The following ZER1 variants were observed in gnomAD, a reference collection of about 807,000 sequenced individuals.
The protein encoded by ZER1 is zyg-11 related cell cycle regulator, also known as protein zer-1 homolog.
Under a neutral mutation model 78.8 loss-of-function variants are expected in ZER1, and 11 were observed. The observed-to-expected ratio is 0.14, with a 90% CI of 0.09 to 0.23. ZER1 has a LOEUF of 0.23. ZER1 is among the 10% of genes least tolerant of loss of function. The probability of loss-of-function intolerance (pLI) is 1.00; values close to 1 mark genes in which losing one functional copy is unlikely to be tolerated. For missense variants in ZER1, 588 were observed against 996.9 expected (o/e 0.59, Z 5.52); for synonymous variants, 400 against 407.0 (o/e 0.98, Z 0.21).
chr9:128,753,376 G>T lies in ZER1; in HGVS notation c.534C>A (p.Arg178=). 6.2e-7 allele frequency: 1 copy of T among 1,614,036 alleles called. No homozygotes were observed. The highest frequency in any genetic ancestry group is 1.1e-5 in the South Asian group (1 of 91,032). Residue 178 remains arginine, a synonymous_variant, in exon 4 of 16, where the codon CGC becomes CGA. Coordinates refer to ENST00000291900, the MANE Select transcript of ZER1 (RefSeq NM_006336.4). The surrounding 1 kb of genome is among the most constrained non-coding windows in gnomAD (Gnocchi z 7.5). ...DFTFEGFSRL[R]FLNLGRMIDW... is the part of the protein sequence containing the mutation. ...CAATCATGCGGCCCAAGTTGAGGAA[G>T]CGGAGGCGGCTGAAGCCCTCGAAGG...
At chr9:128,738,110 T>C (rs1863151096) in intron 13 of ZER1, among the ~76,000 whole-genome samples, 1 of 150,014 alleles carries the variant, frequency 6.7e-6, no homozygotes, top group Non-Finnish European at 1.5e-5. Context: ...AGTGGCGCGA[T>C]CTTGGCTAAC....
At position 128,740,227 on chromosome 9, in the gene ZER1, C is replaced by A. The variant is rs1035454892; in HGVS notation, c.1854-108G>T. ...CAGAAGCAAGAGGTGCTACTTATTTCTTTATCCCATATCGTCTATATACCC... is the reference window on the plus strand; with the variant it reads ...CAGAAGCAAGAGGTGCTACTTATTTATTTATCCCATATCGTCTATATACCC... On this transcript the variant is annotated intron_variant, in intron 12 of 15. Transcript: ENST00000291900. The surrounding 1 kb of genome is among the most constrained non-coding windows in gnomAD (Gnocchi z 4.4). 3 of 1,115,200 alleles carry A rather than the reference C, an allele frequency of 2.7e-6. No homozygotes were observed. Among genetic ancestry groups the A allele is most frequent in the Non-Finnish European group, 3.8e-6 (3 of 786,254 alleles). The allele number at this position is 1,115,200 out of a possible 1,614,324, so 69.1% of individuals were successfully genotyped here.
At chr9:128,737,377 G>A (rs932217237) in intron 13 of ZER1, among the ~76,000 whole-genome samples, 1 of 152,174 alleles carries the variant, frequency 6.6e-6, no homozygotes, top group African/African-American at 2.4e-5. Context: ...TCCTGGGCCA[G>A]CGATTCCGCT....
rs111897580 is a variant in ZER1, at chr9:128,750,553, G to T, written c.1359+63C>A. 2.5e-5 allele frequency: 39 copies of T among 1,579,554 alleles called. No homozygotes were observed. The Admixed American group carries it at 2.9e-4, about 12-fold the overall frequency. ...AGAGCCGGGGGAGCCCTAGCGGGAC[G>T]CAAGAAGCAGGAAAGGGGTGGCTGG... On this transcript the variant is annotated intron_variant, in intron 8 of 15. Transcript: ENST00000291900.
chr9:128,731,311 G>C lies in ZER1; in HGVS notation c.*26C>G, dbSNP rs183534972. ...TTCCTCCCCGCCTGTGGTCCAGAGC[G>C]GTGGCGGCCATGGGGACGGAGGCCT... On this transcript the variant is annotated 3_prime_UTR_variant, in exon 16 of 16. Coordinates refer to ENST00000291900, the MANE Select transcript of ZER1 (RefSeq NM_006336.4). 1.9e-6 allele frequency: 3 copies of C among 1,611,010 alleles called. No homozygotes were observed.
chr9:128,747,518 A>C (rs970592387), intron 8 of ZER1, among the ~76,000 whole-genome samples: 1 of 152,224 alleles, frequency 6.6e-6, no homozygotes, highest in Admixed American at 6.5e-5. Context: ...CATCTAGAGG[A>C]GGAGAGGTGA....
intron 9 of ZER1, among the ~76,000 whole-genome samples, chr9:128,742,095 G>A (rs1436660014): frequency 6.6e-5 from 10 of 152,188 alleles, no homozygotes; most frequent in African/African-American, 2.2e-4. Context: ...AGCCCTTCCC[G>A]CTGGGGCTTG....
At position 128,751,107 on chromosome 9, in the gene ZER1, A is replaced by G; in HGVS notation, c.1185+15T>C. On this transcript the variant is annotated intron_variant, in intron 7 of 15. Transcript: ENST00000291900. The surrounding 1 kb of genome is among the most constrained non-coding windows in gnomAD (Gnocchi z 5.4). The stretch of plus-strand genomic sequence containing the variant: ...GGGAGGGACAGGAGGCCAAGGCCCC[A>G]GGCTTGGAGCTGACCTTCAGGGCCC... 2.5e-6 allele frequency: 4 copies of G among 1,574,110 alleles called. No homozygotes were observed. Among genetic ancestry groups the G allele is most frequent in the African/African-American group, 2.7e-5 (2 of 74,230 alleles).
At chr9:128,744,784 C>T (rs1863430054) in intron 8 of ZER1, among the ~76,000 whole-genome samples, 1 of 152,124 alleles carries the variant, frequency 6.6e-6, no homozygotes, top group South Asian at 2.1e-4. Flanking sequence ...TGGCTGGCCC[C>T]CGCTTTTTAT....
Position 128,751,132 on chromosome 9 carries a change from C to A in ZER1, c.1175G>T (p.Arg392Leu). ...ARIERCNQLL[R>L]ALKLVITALK... ...AGGCTTGGAGCTGACCTTCAGGGCC[C>A]GCAGCAGCTGGTTGCAACGCTCGAT... The change falls in exon 7 of 16, where the codon CGG becomes CTG. Residue 392 changes from arginine to leucine, a missense_variant. Physicochemically the swap from Arg to Leu is moderately radical, Grantham distance 102. Coordinates refer to ENST00000291900, the MANE Select transcript of ZER1 (RefSeq NM_006336.4). This position sits in a 1 kb window ranked among gnomAD's most constrained non-coding sequence, Gnocchi z 5.4. The A allele has an allele frequency of 6.3e-7, 1 of 1,593,740 alleles. No individual in the cohort carries two copies. Among genetic ancestry groups the A allele is most frequent in the Non-Finnish European group, 8.6e-7 (1 of 1,166,574 alleles).
Position 128,755,341 on chromosome 9 carries a change from G to T in ZER1, c.158+67C>A. 1 of 1,587,266 alleles carries T rather than the reference G, an allele frequency of 6.3e-7. No homozygotes were observed. The highest frequency in any genetic ancestry group is 1.1e-5 in the South Asian group (1 of 89,390). Reference sequence around the variant, plus strand: ...GCTACTCCCCACATAGTGCACACACGGTCCCAATCTCTCTATACACATTCA... The same window carrying T: ...GCTACTCCCCACATAGTGCACACACTGTCCCAATCTCTCTATACACATTCA... On this transcript the variant is annotated intron_variant, in intron 2 of 15. Coordinates refer to ENST00000291900, the MANE Select transcript of ZER1 (RefSeq NM_006336.4). The surrounding 1 kb of genome is among the most constrained non-coding windows in gnomAD (Gnocchi z 5.6).
intron 1 of ZER1, among the ~76,000 whole-genome samples, chr9:128,768,171 A>G (rs772570864): frequency 1.3e-5 from 2 of 152,166 alleles, no homozygotes; most frequent in Non-Finnish European, 2.9e-5. Flanking sequence ...TGCGCCAGAT[A>G]TAAGACAGTG....
At chr9:128,766,845 C>CAAAAAA (rs1176953959) in intron 1 of ZER1, among the ~76,000 whole-genome samples, 3 of 49,646 alleles carry the variant, frequency 6.0e-5, no homozygotes, top group Non-Finnish European at 9.7e-5. Flanking sequence ...GATTCCGTCT[C>CAAAAAA]AAAAAAAAAA....
chr9:128,768,371 C>T (rs1864280796), intron 1 of ZER1, among the ~76,000 whole-genome samples: 1 of 152,190 alleles, frequency 6.6e-6, no homozygotes, highest in African/African-American at 2.4e-5. Flanking sequence ...CTTCAGAACA[C>T]ACCTAATTCT....
At chr9:128,766,043 A>T (rs895766260) in intron 1 of ZER1, among the ~76,000 whole-genome samples, 5 of 152,226 alleles carry the variant, frequency 3.3e-5, no homozygotes, top group African/African-American at 1.2e-4. Flanking sequence ...ACCCATACTG[A>T]ATACCAAGTA....
At chr9:128,744,237 A>T (rs1010717193) in intron 8 of ZER1, among the ~76,000 whole-genome samples, 3 of 150,708 alleles carry the variant, frequency 2.0e-5, no homozygotes, top group Non-Finnish European at 3.0e-5. Context: ...GCCAAGCTGG[A>T]GTCCAGTGGT....
intron 8 of ZER1, among the ~76,000 whole-genome samples, chr9:128,744,719 T>C (rs1367689509): frequency 6.6e-6 from 1 of 152,152 alleles, no homozygotes; most frequent in African/African-American, 2.4e-5. Flanking sequence ...CCTCAGGTGA[T>C]CCACCTGCCT....
At chr9:128,747,578 T>G (rs1400801662) in intron 8 of ZER1, among the ~76,000 whole-genome samples, 1 of 152,202 alleles carries the variant, frequency 6.6e-6, no homozygotes, top group African/African-American at 2.4e-5. Context: ...ATCACTTGAA[T>G]TTTTTCATCT....
At position 128,740,496 on chromosome 9, in the gene ZER1, C is replaced by T. The variant is rs550825707; in HGVS notation, c.1853+276G>A. Reference sequence around the variant, plus strand: ...TCGGGAGGCTGAGGCAGGAGAATGGCGTGAACCCGGGAGGCAGAGCTTGCA... The same window carrying T: ...TCGGGAGGCTGAGGCAGGAGAATGGTGTGAACCCGGGAGGCAGAGCTTGCA... On this transcript the variant is annotated intron_variant, in intron 12 of 15. Coordinates refer to ENST00000291900, the MANE Select transcript of ZER1 (RefSeq NM_006336.4). The surrounding 1 kb of genome is among the most constrained non-coding windows in gnomAD (Gnocchi z 4.4). Among the ~76,000 whole-genome samples the T allele has an allele frequency of 1.5e-3, 223 of 151,322 alleles. No individual in the cohort carries two copies. The highest frequency in any genetic ancestry group is 2.6e-3 in the Non-Finnish European group (175 of 67,938).
Sources: allele counts gnomAD v4.1 joint callset (sites outside exome capture counted in the v4.1 genomes callset), GRCh38; gene constraint gnomAD v4.1.1; non-coding constraint Gnocchi (gnomAD v3.1); transcripts MANE v1.5; gene names NCBI Gene and HGNC (gene_info 2026-07-23, HGNC 2026-07-21).